CERS3: variants seen among roughly 807,000 people sequenced by gnomAD.
CERS3 encodes the protein ceramide synthase 3, also known as LAG1 homolog, ceramide synthase 3.
A neutral mutation model predicts 50.3 loss-of-function variants in CERS3; 33 were observed. That is an observed-to-expected ratio of 0.66 (90% confidence interval 0.50 to 0.88). CERS3 has a LOEUF of 0.88. Ranked by LOEUF, CERS3 falls within the 40% of genes least tolerant of loss-of-function variation. CERS3 has a pLI of 0.00. For missense variants in CERS3, 470 were observed against 460.3 expected, an observed-to-expected ratio of 1.02 and a Z score of -0.19; for synonymous variants, 176 against 155.2, an observed-to-expected ratio of 1.13 and a Z score of -0.99.
At chr15:100,430,266 C>A (rs1042430253) in intron 11 of CERS3, among the ~76,000 whole-genome samples, 1 of 151,240 alleles carries the variant, frequency 6.6e-6, no homozygotes, top group Non-Finnish European at 1.5e-5. Context: ...GAGCCGAGAT[C>A]ACGCCACTGC....
rs1421201843 is a variant in CERS3, at chr15:100,518,308, T to TGA, written c.-2+3357_-2+3358dup. Among the ~76,000 whole-genome samples the TGA allele has an allele frequency of 3.6e-5, 5 of 140,720 alleles. No homozygotes were observed. In the South Asian group the frequency reaches 1.2e-3, roughly 33 times the overall value. 92.3% of individuals were successfully genotyped at this position (140,720 alleles called of 152,430 possible). A position where few individuals can be genotyped will look rare whatever the true frequency, so the allele number is the denominator to read the frequency against. Reference sequence around the variant, plus strand: ...GACAGAGAGAGACACACACAGAGAGTGAGAGAGAGAGACAGGGACACAGAG... The same window carrying TGA: ...GACAGAGAGAGACACACACAGAGAGTGAGAGAGAGAGAGACAGGGACACAGAG... On this transcript the variant is annotated intron_variant, in intron 2 of 11. Transcript: ENST00000679737.
intron 11 of CERS3, among the ~76,000 whole-genome samples, chr15:100,443,064 T>A (rs913346346): frequency 6.6e-6 from 1 of 151,990 alleles, no homozygotes; most frequent in Non-Finnish European, 1.5e-5. Context: ...CGAGACACTT[T>A]AACTAAATTA....
At chr15:100,538,975 C>A (rs959282941) in intron 1 of CERS3, among the ~76,000 whole-genome samples, 2 of 152,162 alleles carry the variant, frequency 1.3e-5, no homozygotes, top group Non-Finnish European at 2.9e-5. Context: ...ACCTCTTGAA[C>A]ACTTTACTTT....
At chr15:100,470,931 G>C (rs1343429779) in intron 9 of CERS3, among the ~76,000 whole-genome samples, 1 of 152,178 alleles carries the variant, frequency 6.6e-6, no homozygotes, top group Non-Finnish European at 1.5e-5. Context: ...AAGAAGCCAG[G>C]TGCAAAAGTT....
chr15:100,417,142 G>A (rs893118784), intron 11 of CERS3, among the ~76,000 whole-genome samples: 30 of 152,066 alleles, frequency 2.0e-4, no homozygotes, highest in African/African-American at 6.3e-4. Context: ...GCAGAAGATG[G>A]GTGATTTCTG....
intron 3 of CERS3, among the ~76,000 whole-genome samples, chr15:100,498,029 G>A (rs1479808627): frequency 2.0e-5 from 3 of 151,840 alleles, no homozygotes; most frequent in African/African-American, 7.3e-5. Flanking sequence ...GAAGAGCTGG[G>A]ACTACAGGCA....
At chr15:100,537,529 G>A (rs1163819264) in intron 1 of CERS3, among the ~76,000 whole-genome samples, 2 of 152,194 alleles carry the variant, frequency 1.3e-5, no homozygotes, top group African/African-American at 4.8e-5. Flanking sequence ...AAGGTGAAGA[G>A]GAAGCAAGGC....
At chr15:100,478,335 C>T (rs532083474) in intron 7 of CERS3, among the ~76,000 whole-genome samples, 7 of 152,258 alleles carry the variant, frequency 4.6e-5, no homozygotes, top group Non-Finnish European at 1.0e-4. Flanking sequence ...AAGTGTCTGA[C>T]ATTTTACCCT....
chr15:100,542,983 A>G (rs1002378028), intron 1 of CERS3, among the ~76,000 whole-genome samples: 6 of 152,238 alleles, frequency 3.9e-5, no homozygotes, highest in African/African-American at 1.4e-4. Context: ...GTAGGATCTC[A>G]GCTCACTGCA....
chr15:100,437,656 T>C (rs894678252), intron 11 of CERS3: 6 of 152,242 alleles, frequency 3.9e-5, no homozygotes, highest in South Asian at 4.1e-4. Flanking sequence ...AGTAGTAATA[T>C]TGATCATATT....
At chr15:100,412,712 C>G (rs982380683) in intron 11 of CERS3, among the ~76,000 whole-genome samples, 2 of 152,120 alleles carry the variant, frequency 1.3e-5, no homozygotes, top group African/African-American at 4.8e-5. Context: ...GCTTTTTATA[C>G]TCTCCCAACT....
intron 8 of CERS3, among the ~76,000 whole-genome samples, chr15:100,475,231 G>A (rs2587758): frequency 0.88 from 133,771 of 152,232 alleles, 59,350 homozygotes; most frequent in South Asian, 0.96. Context: ...TTCACAGTAT[G>A]TGCTTATACT....
At chr15:100,483,258 ATGTGCCACTGGG>A (rs774717604) in intron 5 of CERS3, among the ~76,000 whole-genome samples, 2 of 152,252 alleles carry the variant, frequency 1.3e-5, no homozygotes, top group Non-Finnish European at 2.9e-5. Flanking sequence ...GTACACTCCC[ATGTGCCACTGGG>A]GTGGCGCGAC....
intron 11 of CERS3, among the ~76,000 whole-genome samples, chr15:100,415,279 C>A (rs1212274151): frequency 2.0e-5 from 3 of 152,062 alleles, no homozygotes; most frequent in East Asian, 1.9e-4. Flanking sequence ...AGCAATAAAT[C>A]CTGGTGAGGC....
intron 10 of CERS3, among the ~76,000 whole-genome samples, chr15:100,462,959 C>G (rs999201142): frequency 6.6e-6 from 1 of 152,144 alleles, no homozygotes; most frequent in African/African-American, 2.4e-5. Context: ...TGTCCTTCTT[C>G]TTAGGCAATA....
At chr15:100,439,959 C>A (rs2033606516) in intron 11 of CERS3, among the ~76,000 whole-genome samples, 1 of 152,180 alleles carries the variant, frequency 6.6e-6, no homozygotes. Flanking sequence ...CCTGGCATGA[C>A]CCATTAGAGA....
intron 3 of CERS3, among the ~76,000 whole-genome samples, chr15:100,494,825 A>G (rs1266430490): frequency 6.6e-6 from 1 of 152,210 alleles, no homozygotes; most frequent in African/African-American, 2.4e-5. Flanking sequence ...GTCTTTCCTG[A>G]GCATGCAGAT....
At chr15:100,510,256 T>C (rs2036301089) in intron 2 of CERS3, among the ~76,000 whole-genome samples, 1 of 152,078 alleles carries the variant, frequency 6.6e-6, no homozygotes, top group East Asian at 1.9e-4. Flanking sequence ...ATGAATGCCT[T>C]AGGCTATAAC....
intron 10 of CERS3, among the ~76,000 whole-genome samples, chr15:100,468,271 A>G (rs1173745687): frequency 6.6e-6 from 1 of 152,166 alleles, no homozygotes; most frequent in Non-Finnish European, 1.5e-5. Context: ...TTTCCATTTT[A>G]CATATGAGAA....
Sources: allele counts gnomAD v4.1 joint callset (sites outside exome capture counted in the v4.1 genomes callset), GRCh38; gene constraint gnomAD v4.1.1; transcripts MANE v1.5; gene names NCBI Gene and HGNC (gene_info 2026-07-23, HGNC 2026-07-21).